ENTPD5: variants seen among roughly 807,000 people sequenced by gnomAD.
ENTPD5 encodes the protein ectonucleoside triphosphate diphosphohydrolase 5 (inactive), also known as nucleoside diphosphate phosphatase ENTPD5.
ENTPD5 carries 49 observed loss-of-function variants against 60.2 expected under a neutral mutation model. That is an observed-to-expected ratio of 0.81 (90% CI 0.65 to 1.03). The LOEUF (loss-of-function observed/expected upper bound fraction) is 1.03. ENTPD5 is among the 50% of genes least tolerant of loss of function. The probability of loss-of-function intolerance (pLI) is 0.00; values close to 1 mark genes in which losing one functional copy is unlikely to be tolerated. For missense variants in ENTPD5, 480 were observed against 507.6 expected (o/e 0.95, Z 0.52); for synonymous variants, 187 against 185.4 (o/e 1.01, Z -0.07).
chr14:74,016,467 T>A (rs2059020779), intron 1 of ENTPD5, among the ~76,000 whole-genome samples: 1 of 152,120 alleles, frequency 6.6e-6, no homozygotes, highest in Admixed American at 6.5e-5. Context: ...CAAAACCCTG[T>A]CTCTACAAAA....
chr14:74,009,481 T>C (rs1380780017), intron 3 of ENTPD5, among the ~76,000 whole-genome samples: 1 of 152,200 alleles, frequency 6.6e-6, no homozygotes, highest in African/African-American at 2.4e-5. Flanking sequence ...ATGCCAAAGA[T>C]AAAAATATTA....
intron 4 of ENTPD5, 155 bp from the exon 5 acceptor site, chr14:73,987,048 G>C: frequency 1.4e-6 from 1 of 724,488 alleles, no homozygotes; most frequent in Non-Finnish European, 2.5e-6. Flanking sequence ...AGGAGTACTG[G>C]AAAGAAGGAC....
intron 3 of ENTPD5, among the ~76,000 whole-genome samples, chr14:73,991,955 C>T (rs2058154299): frequency 6.6e-6 from 1 of 151,216 alleles, no homozygotes; most frequent in East Asian, 1.9e-4. Flanking sequence ...GCTGAGATTG[C>T]ACCATTGCAC....
intron 6 of ENTPD5, among the ~76,000 whole-genome samples, chr14:73,981,238 C>G (rs889998370): frequency 6.6e-6 from 1 of 151,882 alleles, no homozygotes; most frequent in South Asian, 2.1e-4. Flanking sequence ...CAGTGGCTCA[C>G]GTCTGTAATC....
chr14:74,001,832 G>A (rs1052867224), intron 3 of ENTPD5, among the ~76,000 whole-genome samples: 7 of 152,110 alleles, frequency 4.6e-5, no homozygotes, highest in African/African-American at 9.6e-5. Context: ...CAGCCTATGC[G>A]ACAGAGTGAG....
chr14:73,955,375 G>C (rs537163715), downstream of ENTPD5: 12 of 1,076,576 alleles, frequency 1.1e-5, no homozygotes, highest in Non-Finnish European at 1.7e-5. Context: ...AACCTCTTAC[G>C]TAACAGGATG....
chr14:73,956,749 A>G (rs1012083751), downstream of ENTPD5: 3 of 152,206 alleles, frequency 2.0e-5, no homozygotes, highest in Non-Finnish European at 2.9e-5. Context: ...TATTTTAAAT[A>G]TAAATTTATC....
chr14:73,967,036 T>C (rs2057004270), intron 15 of ENTPD5, 22 bp from the exon 16 acceptor site: 1 of 1,597,368 alleles, frequency 6.3e-7, no homozygotes, highest in African/African-American at 1.3e-5. Flanking sequence ...AAAAAAAGTC[T>C]TCACCTTTTC....
rs958858826 is a variant in ENTPD5 at position 74,009,791 on chromosome 14, C to T, written c.-71+1300G>A. 4.1e-5 allele frequency among the ~76,000 whole-genome samples: 6 copies of T among 146,422 alleles called. No homozygotes were observed. In the South Asian group the frequency reaches 8.5e-4, roughly 21 times the overall value. On this transcript the variant is annotated intron_variant, in intron 3 of 15. Coordinates refer to ENST00000334696, the MANE Select transcript of ENTPD5 (RefSeq NM_001249.5). ...CACCCAGATAATTTTTGCATGTTTT[C>T]GATTTTTTTTTTTTGAGACGGAGTC... is the stretch of plus-strand genomic sequence containing the variant.
At chr14:73,957,526 G>T (rs1566686953), downstream of ENTPD5, among the ~76,000 whole-genome samples, 1 of 152,162 alleles carries the variant, frequency 6.6e-6, no homozygotes, top group Non-Finnish European at 1.5e-5. Flanking sequence ...CTTGGCTGGG[G>T]TGCAGTGGCT....
intron 4 of ENTPD5, among the ~76,000 whole-genome samples, chr14:73,987,505 C>T (rs1006861351): frequency 1.3e-5 from 2 of 151,798 alleles, no homozygotes; most frequent in African/African-American, 4.8e-5. Context: ...GAGCAGGTCT[C>T]TATAAAAAAA....
At chr14:74,007,251 G>A (rs576220943) in intron 3 of ENTPD5, among the ~76,000 whole-genome samples, 33 of 152,314 alleles carry the variant, frequency 2.2e-4, no homozygotes, top group South Asian at 1.2e-3. Context: ...GCCGGGCGCG[G>A]TGGCTCACGC....
At chr14:73,977,253 G>T in intron 7 of ENTPD5, 46 bp downstream of exon 7, 2 of 1,479,664 alleles carry the variant, frequency 1.4e-6, no homozygotes, top group South Asian at 2.3e-5. Context: ...ATCTTTCACT[G>T]ATCCTGCCCC....
At chr14:73,970,170 G>T in intron 14 of ENTPD5, 45 bp from the exon 15 acceptor site, 1 of 1,368,762 alleles carries the variant, frequency 7.3e-7, no homozygotes, top group South Asian at 1.2e-5. Context: ...GCAACTAACT[G>T]AGAGGTGTAG....
At chr14:73,958,476 G>C (rs745889170), downstream of ENTPD5, 6 of 1,412,748 alleles carry the variant, frequency 4.2e-6, no homozygotes, top group Non-Finnish European at 5.5e-6. Context: ...CTCATGGGCC[G>C]TCTTAGGTTG....
chr14:74,003,997 T>C (rs1164715555), intron 3 of ENTPD5, among the ~76,000 whole-genome samples: 1 of 151,562 alleles, frequency 6.6e-6, no homozygotes, highest in Non-Finnish European at 1.5e-5. Flanking sequence ...CCCAGCTACT[T>C]GGGAGGCTGA....
downstream of ENTPD5, chr14:73,957,869 G>A (rs761048844): frequency 9.1e-5 from 38 of 416,202 alleles, 1 homozygote; most frequent in Middle Eastern, 2.2e-3. Context: ...TCATTTAAGC[G>A]TAGAGTGAAA....
At chr14:74,007,991 C>CA (rs956882592) in intron 3 of ENTPD5, among the ~76,000 whole-genome samples, 2 of 151,700 alleles carry the variant, frequency 1.3e-5, no homozygotes, top group Non-Finnish European at 2.9e-5. Flanking sequence ...CCACCATGCT[C>CA]AGCTAATTTT....
chr14:73,974,494 C>A (rs994364353), intron 11 of ENTPD5, among the ~76,000 whole-genome samples: 18 of 152,226 alleles, frequency 1.2e-4, no homozygotes, highest in African/African-American at 4.3e-4. Flanking sequence ...CCTCATATCA[C>A]AACACTGGGA....
Sources: gnomAD v4.1 joint callset for allele counts (sites outside exome capture counted in the v4.1 genomes callset) on GRCh38, gnomAD v4.1.1 for gene constraint, MANE v1.5 for transcripts, NCBI Gene and HGNC (gene_info 2026-07-23, HGNC 2026-07-21) for gene names.